The following MPRIP variants were observed in gnomAD, a reference collection of about 807,000 sequenced individuals.
MPRIP encodes myosin phosphatase Rho-interacting protein.
Under a neutral mutation model 234.9 loss-of-function variants are expected in MPRIP, and 59 were observed. That is an observed-to-expected ratio of 0.25 (90% confidence interval 0.20 to 0.31). The LOEUF (loss-of-function observed/expected upper bound fraction) is 0.31. Among genes scored for constraint, MPRIP ranks in the 10% least tolerant of loss-of-function variants. The pLI, the probability that MPRIP is intolerant of heterozygous loss-of-function variation, is 1.00. For synonymous variants in MPRIP, 1,144 were observed against 1,263.9 expected (o/e 0.91, Z 2.01); for missense variants, 2,436 against 3,071.0 (o/e 0.79, Z 4.89).
rs370543504 is a variant in MPRIP, at chr17:17,080,287, A to G, written c.267+2211A>G. ...GGCTGGAGAGATTTCTCTAGCACCC[A>G]GTGCTCTGCATCAGGGTTTGCTCCT... On this transcript the variant is annotated intron_variant, in intron 3 of 23. Coordinates refer to ENST00000651222, the MANE Select transcript of MPRIP (RefSeq NM_001364716.4). Among the ~76,000 whole-genome samples, 34 of 152,314 alleles carry G rather than the reference A, an allele frequency of 2.2e-4. No homozygotes were observed. In the East Asian group the frequency reaches 2.5e-3, roughly 11 times the overall value.
rs2045998710 is a variant in MPRIP, at chr17:17,166,420, C to T, written c.4829C>T (p.Ala1610Val). ...SGQPPMESAG[A>V]PVDTWARKVL... ...CAGCCACCGATGGAATCTGCTGGGG[C>T]CCCCGTAGACACCTGGGCCAGGAAG... Residue 1610 changes from alanine to valine, a missense_variant, in exon 16 of 24, where the codon GCC becomes GTC. Coordinates refer to ENST00000651222, the MANE Select transcript of MPRIP (RefSeq NM_001364716.4). This position sits in a 1 kb window ranked among gnomAD's most constrained non-coding sequence, Gnocchi z 4.4. The T allele has an allele frequency of 7.7e-6, 10 of 1,304,242 alleles. No individual in the cohort carries two copies. The highest frequency in any genetic ancestry group is 2.3e-5 in the Admixed American group (1 of 43,558). The allele number at this position is 1,304,242 out of a possible 1,614,324, so 80.8% of individuals were successfully genotyped here.
intron 3 of MPRIP, among the ~76,000 whole-genome samples, chr17:17,107,934 G>A (rs2090094482): frequency 6.6e-6 from 1 of 152,196 alleles, no homozygotes; most frequent in Non-Finnish European, 1.5e-5. Flanking sequence ...TAGGGCCAGG[G>A]CTGCAGAGGT....
chr17:17,135,043 C>G (rs2090667571), intron 5 of MPRIP, among the ~76,000 whole-genome samples: 1 of 152,226 alleles, frequency 6.6e-6, no homozygotes, highest in African/African-American at 2.4e-5. Flanking sequence ...ATATCATGCT[C>G]TTGTCTTTTG....
chr17:17,167,440 A>G lies in MPRIP; in HGVS notation c.5849A>G (p.Glu1950Gly). 2 of 1,304,204 alleles carry G rather than the reference A, an allele frequency of 1.5e-6. No homozygotes were observed. Among genetic ancestry groups the G allele is most frequent in the Non-Finnish European group, 2.0e-6 (2 of 988,958 alleles). 80.8% of individuals were successfully genotyped at this position (1,304,204 alleles called of 1,614,324 possible). ...SMFTLRGRYE[E>G]EIRCVVEQLT... ...TTCACCCTGCGGGGCAGGTATGAGGAGGAGATTCGGTGTGTGGTGGAGCAG... is the reference window on the plus strand; with the variant it reads ...TTCACCCTGCGGGGCAGGTATGAGGGGGAGATTCGGTGTGTGGTGGAGCAG... Residue 1950 changes from glutamate to glycine, a missense_variant, in exon 16 of 24, where the codon GAG becomes GGG. Around this residue, in one of 4 missense-constraint regions of MPRIP, gnomAD observed 1,998 missense variants for 2,520.3 expected, o/e 0.79. Transcript: ENST00000651222. The surrounding 1 kb of genome is among the most constrained non-coding windows in gnomAD (Gnocchi z 5.9).
intron 1 of MPRIP, among the ~76,000 whole-genome samples, chr17:17,062,761 G>C (rs74965036): frequency 0.035 from 5,259 of 152,340 alleles, 155 homozygotes; most frequent in East Asian, 0.12. Context: ...TCTCGAAACT[G>C]TTTCTCTGTT....
rs1039774531 is a variant in MPRIP, at chr17:17,188,349, A to G, written c.*3455A>G. 3 of 152,320 alleles carry G rather than the reference A, an allele frequency of 2.0e-5. No individual in the cohort carries two copies. Among genetic ancestry groups the G allele is most frequent in the African/African-American group, 7.2e-5 (3 of 41,448 alleles). 9.4% of individuals were successfully genotyped at this position (152,320 alleles called of 1,614,324 possible). A position where few individuals can be genotyped will look rare whatever the true frequency, so the allele number is the denominator to read the frequency against. ...GCAGGTTTATTGAACAAGAGGTAAC[A>G]TCGGAGAGGATCTTGCCTTCGGATT... On this transcript the variant is annotated 3_prime_UTR_variant, in exon 24 of 24. Transcript: ENST00000651222.
chr17:17,164,793 A>G lies in MPRIP; in HGVS notation c.3202A>G (p.Lys1068Glu), dbSNP rs2045946777. The G allele has an allele frequency of 7.7e-7, 1 of 1,304,024 alleles. No homozygotes were observed. The allele number at this position is 1,304,024 out of a possible 1,614,324, so 80.8% of individuals were successfully genotyped here. Residue 1068 changes from lysine (K) to glutamate (E), a missense_variant, in exon 16 of 24, where the codon AAG (lysine) becomes GAG (glutamate). Coordinates refer to ENST00000651222, the MANE Select transcript of MPRIP (RefSeq NM_001364716.4). ...GCAGGTGGAGACCCTGCAGAAGGAG[A>G]AGCTGAGCGCCACTTTCGAGGGCAG... ...AQQVETLQKEKLSATFEGSEQ... is the reference protein window; with the variant it reads ...AQQVETLQKEELSATFEGSEQ...
At chr17:17,175,568 C>T (rs1431492593) in intron 20 of MPRIP, among the ~76,000 whole-genome samples, 156 bp downstream of exon 20, 5 of 152,184 alleles carry the variant, frequency 3.3e-5, no homozygotes, top group Non-Finnish European at 2.9e-5. Context: ...CCGAAGGCGG[C>T]GAGGAGCAGT....
At chr17:17,093,278 C>A (rs1200616907) in intron 3 of MPRIP, among the ~76,000 whole-genome samples, 1 of 152,222 alleles carries the variant, frequency 6.6e-6, no homozygotes, top group African/African-American at 2.4e-5. Flanking sequence ...AACTCTCCTG[C>A]ATTGGATGCC....
intron 3 of MPRIP, among the ~76,000 whole-genome samples, chr17:17,125,487 G>A (rs972491624): frequency 6.6e-6 from 1 of 152,244 alleles, no homozygotes; most frequent in Non-Finnish European, 1.5e-5. Context: ...TCTGACTCCT[G>A]CAGGCAGGCA....
chr17:17,171,531 G>T, intron 16 of MPRIP, 187 bp from the exon 17 acceptor site: 1 of 649,578 alleles, frequency 1.5e-6, no homozygotes. Flanking sequence ...ATGCTCTGAT[G>T]GCATTGCTGA....
chr17:17,174,119 C>T, intron 19 of MPRIP, 44 bp downstream of exon 19: 2 of 1,602,882 alleles, frequency 1.2e-6, no homozygotes, highest in East Asian at 2.2e-5. Context: ...CAGGGGCACT[C>T]AAGGTCAGGT....
At chr17:17,066,884 G>A (rs751088184) in intron 1 of MPRIP, among the ~76,000 whole-genome samples, 2 of 151,266 alleles carry the variant, frequency 1.3e-5, no homozygotes, top group Admixed American at 6.6e-5. Flanking sequence ...AGCCTCCCAC[G>A]TAGCTGGGCC....
chr17:17,167,605 A>G lies in MPRIP; in HGVS notation c.6014A>G (p.Lys2005Arg). 7.7e-7 allele frequency: 1 copy of G among 1,304,258 alleles called. No individual in the cohort carries two copies. The highest frequency in any genetic ancestry group is 1.0e-6 in the Non-Finnish European group (1 of 988,948). The allele number at this position is 1,304,258 out of a possible 1,614,324, so 80.8% of individuals were successfully genotyped here. The part of the protein sequence containing the change: ...IQTLEDRFQL[K>R]VRELQTIHEE... The stretch of plus-strand genomic sequence containing the variant: ...ACCCTGGAGGACAGGTTCCAGCTCA[A>G]GGTCCGGGAGCTGCAGACGATCCAC... The change falls in exon 16 of 24, where the codon AAG becomes AGG. Residue 2005 changes from lysine to arginine, a missense_variant. Coordinates refer to ENST00000651222, the MANE Select transcript of MPRIP (RefSeq NM_001364716.4). The surrounding 1 kb of genome is among the most constrained non-coding windows in gnomAD (Gnocchi z 5.9).
At chr17:17,092,988 G>A (rs2089754752) in intron 3 of MPRIP, among the ~76,000 whole-genome samples, 1 of 152,168 alleles carries the variant, frequency 6.6e-6, no homozygotes, top group Non-Finnish European at 1.5e-5. Flanking sequence ...GCTGTGAGGT[G>A]GACTGTGCAG....
intron 14 of MPRIP, 131 bp downstream of exon 14, chr17:17,159,133 G>A: frequency 1.1e-6 from 1 of 913,762 alleles, no homozygotes; most frequent in South Asian, 1.7e-5. Flanking sequence ...CCCTAGGGGA[G>A]ACAGACGCAT....
chr17:17,142,447 G>T, intron 7 of MPRIP, 180 bp from the exon 8 acceptor site: 1 of 633,208 alleles, frequency 1.6e-6, no homozygotes, highest in Non-Finnish European at 2.7e-6. Flanking sequence ...ATGGGAGGGA[G>T]GGCCGTGGAG....
chr17:17,107,783 C>T lies in MPRIP; in HGVS notation c.268-18919C>T, dbSNP rs1373091909. Among the ~76,000 whole-genome samples the T allele has an allele frequency of 3.9e-5, 6 of 152,210 alleles. No homozygotes were observed. In the East Asian group the frequency reaches 1.2e-3, roughly 29 times the overall value. On this transcript the variant is annotated intron_variant, in intron 3 of 23. Transcript: ENST00000651222. ...CCCATCTCTCTAGCTGGTTTGGAAT[C>T]TTAAGTTTCTCCCCAGCAGGTGATT...
chr17:17,114,710 G>A (rs1379870385), intron 3 of MPRIP, among the ~76,000 whole-genome samples: 10 of 140,032 alleles, frequency 7.1e-5, no homozygotes, highest in African/African-American at 1.0e-4. Context: ...TCTACCCCCC[G>A]CCCACCCACC....
Sources: gnomAD v4.1 joint callset for allele counts (sites outside exome capture counted in the v4.1 genomes callset) on GRCh38, gnomAD v4.1.1 for gene constraint, gnomAD v4.1.1 regional missense constraint, Gnocchi (gnomAD v3.1) non-coding constraint, MANE v1.5 for transcripts, NCBI Gene and HGNC (gene_info 2026-07-23, HGNC 2026-07-21) for gene names.